The following MYLK3 variants were observed in gnomAD, a reference collection of about 807,000 sequenced individuals.
MYLK3 encodes the protein MLC kinase.
In MYLK3, 55 loss-of-function variants were observed where a neutral mutation model predicts 76.3. The observed-to-expected ratio is 0.72, with a 90% CI of 0.58 to 0.90. The LOEUF (loss-of-function observed/expected upper bound fraction) is 0.90. MYLK3 is among the 40% of genes least tolerant of loss of function. The probability of loss-of-function intolerance (pLI) is 0.00; values close to 1 mark genes in which losing one functional copy is unlikely to be tolerated. For missense variants in MYLK3, 973 were observed against 1,053.6 expected (o/e 0.92, Z 1.06); for synonymous variants, 416 against 425.4 (o/e 0.98, Z 0.27).
intron 3 of MYLK3, among the ~76,000 whole-genome samples, chr16:46,737,244 G>A (rs1474938690): frequency 2.0e-5 from 3 of 152,026 alleles, no homozygotes; most frequent in African/African-American, 7.3e-5. Context: ...TCAATGAAAT[G>A]GGGATAACAA....
At chr16:46,741,170 C>T (rs1040340963) in intron 1 of MYLK3, among the ~76,000 whole-genome samples, 1 of 152,166 alleles carries the variant, frequency 6.6e-6, no homozygotes, top group Admixed American at 6.6e-5. Context: ...TGTTATCAGC[C>T]TTGTAGAGTC....
At chr16:46,755,895 CTTTTTTCTTTCTT>C (rs1206628898) in intron 1 of MYLK3, among the ~76,000 whole-genome samples, 191 of 134,230 alleles carry the variant, frequency 1.4e-3, no homozygotes, top group African/African-American at 3.7e-3. Context: ...GTTCTTTTTT[CTTTTTTCTTTCTT>C]TTTTTTTTTT....
At chr16:46,709,451 A>G (rs557198305) in intron 12 of MYLK3, 88 bp downstream of exon 12, 71 of 1,459,412 alleles carry the variant, frequency 4.9e-5, no homozygotes, top group Middle Eastern at 1.9e-4. Context: ...AAGAAAAAAA[A>G]AAAAAGAAAA....
At position 46,745,480 on chromosome 16, in the gene MYLK3, A is replaced by G. The variant is rs575456111; in HGVS notation, c.477+2237T>C. ...ACAATTCTGCCAGGAGCGGTAACTCACACCTGTAATCCCAGCACTTTGGGA... is the reference window on the plus strand; with the variant it reads ...ACAATTCTGCCAGGAGCGGTAACTCGCACCTGTAATCCCAGCACTTTGGGA... On this transcript the variant is annotated intron_variant, in intron 1 of 12. Transcript: ENST00000394809. Among the ~76,000 whole-genome samples the G allele has an allele frequency of 1.7e-4, 26 of 152,354 alleles. 1 individual carries two copies. The South Asian group carries it at 1.9e-3, about 11-fold the overall frequency.
intron 8 of MYLK3, chr16:46,726,711 AAG>A (rs1491471273): frequency 3.3e-5 from 5 of 150,210 alleles, no homozygotes; most frequent in African/African-American, 7.3e-5. Context: ...GAAAGAAAGA[AAG>A]AAAGAAAGAA....
Position 46,742,878 on chromosome 16 carries a change from C to T in MYLK3, c.478-2731G>A, listed in dbSNP as rs376232051. Among the ~76,000 whole-genome samples, 9 of 152,328 alleles carry T rather than the reference C, an allele frequency of 5.9e-5. No individual in the cohort carries two copies. In the East Asian group the frequency reaches 1.7e-3, roughly 29 times the overall value. ...TCTGCAGGCTCTGTCCTGCTGCCCC[C>T]GGAGCTGGGGGAACTGGAGGCATGA... On this transcript the variant is annotated intron_variant, in intron 1 of 12. Coordinates refer to ENST00000394809, the MANE Select transcript of MYLK3 (RefSeq NM_182493.3).
intron 1 of MYLK3, chr16:46,757,440 A>T: frequency 1.0e-6 from 1 of 985,406 alleles, no homozygotes; most frequent in Non-Finnish European, 1.2e-6. Flanking sequence ...TCTGGGTGTA[A>T]CCCGACGCCC....
At chr16:46,713,215 T>TG (rs1966702740) in intron 9 of MYLK3, among the ~76,000 whole-genome samples, 1 of 151,040 alleles carries the variant, frequency 6.6e-6, no homozygotes, top group East Asian at 1.9e-4. Context: ...TTTTTTTTTT[T>TG]GAAACAGGGT....
In MYLK3 at chr16:46,744,330, C is replaced by CTTTT. The variant is rs71158891; in HGVS notation, c.477+3383_477+3386dup. Among the ~76,000 whole-genome samples the CTTTT allele has an allele frequency of 8.6e-3, 375 of 43,698 alleles. 102 individuals carry two copies. The highest frequency in any genetic ancestry group is 0.01 in the Non-Finnish European group (281 of 27,106). The allele number at this position is 43,698 out of a possible 152,430, so 28.7% of individuals were successfully genotyped here. ...TACAGGCGTGAGCCACCACACCCAG[C>CTTTT]TTTTTTTTTTTTTTTTTTTTTTTTT... is the stretch of plus-strand genomic sequence containing the variant. On this transcript the variant is annotated intron_variant, in intron 1 of 12. Coordinates refer to ENST00000394809, the MANE Select transcript of MYLK3 (RefSeq NM_182493.3).
At position 46,731,520 on chromosome 16, in the gene MYLK3, G is replaced by A. The variant is rs900073790; in HGVS notation, c.1462+688C>T. ...TCGGGCTAGCGTTTGTTCAGTGCTC[G>A]CCATGGGAGCACTTTGCCTGCTCTC... On this transcript the variant is annotated intron_variant, in intron 4 of 12. Coordinates refer to ENST00000394809, the MANE Select transcript of MYLK3 (RefSeq NM_182493.3). Among the ~76,000 whole-genome samples the A allele has an allele frequency of 3.3e-5, 5 of 152,152 alleles. No homozygotes were observed. The East Asian group carries it at 7.7e-4, about 23-fold the overall frequency.
chr16:46,750,910 T>C (rs1020787177), upstream of MYLK3, among the ~76,000 whole-genome samples: 13 of 152,196 alleles, frequency 8.5e-5, no homozygotes, highest in Admixed American at 3.3e-4. Context: ...GGAGAATCTC[T>C]TGAACCCAGG....
rs772192832 is a variant in MYLK3, at chr16:46,747,765, C to T, written c.429G>A (p.Gln143=). ...QKSKVADFLM[Q]GRVPWRRGSP... ...TGCCTCTCCTCCAGGGCACACGCCC[C>T]TGCATGAGGAAATCCGCCACCTTTG... Residue 143 remains glutamine, a synonymous_variant, in exon 1 of 13, where the codon CAG becomes CAA. Transcript: ENST00000394809. The T allele has an allele frequency of 6.2e-7, 1 of 1,614,210 alleles. No homozygotes were observed. Among genetic ancestry groups the T allele is most frequent in the Non-Finnish European group, 8.5e-7 (1 of 1,180,044 alleles).
chr16:46,739,402 A>G (rs1966894287), intron 2 of MYLK3, among the ~76,000 whole-genome samples: 1 of 152,230 alleles, frequency 6.6e-6, no homozygotes, highest in Non-Finnish European at 1.5e-5. Context: ...AAACATTTAA[A>G]GCATTTGAGT....
chr16:46,714,364 G>T (rs1399568985), intron 9 of MYLK3, among the ~76,000 whole-genome samples: 1 of 152,178 alleles, frequency 6.6e-6, no homozygotes, highest in Non-Finnish European at 1.5e-5. Flanking sequence ...CTTTCAGAGA[G>T]CAGTCTCCTC....
chr16:46,732,413 C>G lies in MYLK3; in HGVS notation c.1257G>C (p.Arg419Ser). The G allele has an allele frequency of 6.2e-7, 1 of 1,613,586 alleles. No individual in the cohort carries two copies. Among genetic ancestry groups the G allele is most frequent in the South Asian group, 1.1e-5 (1 of 91,088 alleles). Reference protein sequence around the residue: ...PGGVKAEEEQRAGAEPGTRPS... With the variant: ...PGGVKAEEEQSAGAEPGTRPS... ...GTCTCGTGCCAGGCTCGGCCCCAGC[C>G]CTTTGCTCCTCCTCTGCCTTCACTC... Residue 419 changes from arginine to serine, a missense_variant, in exon 4 of 13, where the codon AGG (arginine) becomes AGC (serine). By Grantham distance (110) the Arg-to-Ser change is moderately radical. Coordinates refer to ENST00000394809, the MANE Select transcript of MYLK3 (RefSeq NM_182493.3).
chr16:46,719,748 A>C (rs566720234), intron 9 of MYLK3, among the ~76,000 whole-genome samples: 1 of 152,346 alleles, frequency 6.6e-6, no homozygotes, highest in Non-Finnish European at 1.5e-5. Flanking sequence ...GGAAATGACC[A>C]GTTTAAATAC....
At chr16:46,721,679 T>C (rs1308039584) in intron 8 of MYLK3, among the ~76,000 whole-genome samples, 1 of 152,048 alleles carries the variant, frequency 6.6e-6, no homozygotes. Flanking sequence ...GGAATTCAGG[T>C]TTTTATGTGA....
intron 9 of MYLK3, among the ~76,000 whole-genome samples, chr16:46,718,316 A>G (rs1031329417): frequency 6.6e-6 from 1 of 152,166 alleles, no homozygotes; most frequent in African/African-American, 2.4e-5. Flanking sequence ...TGCTAACATG[A>G]TAGATTGAAT....
chr16:46,726,669 A>AAGGAAG (rs1966841325), intron 8 of MYLK3: 1 of 61,914 alleles, frequency 1.6e-5, no homozygotes, highest in Non-Finnish European at 3.2e-5. Flanking sequence ...AAGAAAAAGA[A>AAGGAAG]AGAAAGAGAA....
Sources: gnomAD v4.1 joint callset for allele counts (sites outside exome capture counted in the v4.1 genomes callset) on GRCh38, gnomAD v4.1.1 for gene constraint, MANE v1.5 for transcripts, NCBI Gene and HGNC (gene_info 2026-07-23, HGNC 2026-07-21) for gene names.